The following BCL2 variants were observed in gnomAD, a reference collection of about 807,000 sequenced individuals.
BCL2 encodes apoptosis regulator Bcl-2.
In BCL2, 1 loss-of-function variant was observed where a neutral mutation model predicts 14.2. The observed-to-expected ratio is 0.07, with a 90% CI of 0.02 to 0.33. The LOEUF (loss-of-function observed/expected upper bound fraction) is 0.33. Among genes scored for constraint, BCL2 ranks in the 10% least tolerant of loss-of-function variants. The probability of loss-of-function intolerance (pLI) is 0.99; values close to 1 mark genes in which losing one functional copy is unlikely to be tolerated. For synonymous variants in BCL2, 151 were observed against 137.2 expected, an observed-to-expected ratio of 1.10 and a Z score of -0.70; for missense variants, 247 against 305.9, an observed-to-expected ratio of 0.81 and a Z score of 1.44.
At chr18:63,268,448 GC>G (rs1911902621) in intron 2 of BCL2, among the ~76,000 whole-genome samples, 1 of 152,312 alleles carries the variant, frequency 6.6e-6, no homozygotes, top group Admixed American at 6.5e-5. Context: ...ATTCAAGGAT[GC>G]CAGCTTTGTA....
chr18:63,199,707 CACAG>C (rs1157771058), intron 2 of BCL2, among the ~76,000 whole-genome samples: 1 of 152,030 alleles, frequency 6.6e-6, no homozygotes, highest in Non-Finnish European at 1.5e-5. Context: ...ACTACATATG[CACAG>C]ACACACAGAC....
intron 2 of BCL2, among the ~76,000 whole-genome samples, chr18:63,147,328 G>A (rs1222084622): frequency 6.6e-6 from 1 of 152,186 alleles, no homozygotes; most frequent in Admixed American, 6.5e-5. Flanking sequence ...TTTTATGTTT[G>A]TGCATCAAAA....
chr18:63,271,350 G>A (rs1228622544), intron 2 of BCL2, among the ~76,000 whole-genome samples: 1 of 152,138 alleles, frequency 6.6e-6, no homozygotes, highest in African/African-American at 2.4e-5. Context: ...ATGACAAAGA[G>A]ACACGTGTTC....
At chr18:63,205,597 T>C (rs1192531694) in intron 2 of BCL2, among the ~76,000 whole-genome samples, 5 of 151,506 alleles carry the variant, frequency 3.3e-5, no homozygotes, top group African/African-American at 7.3e-5. Context: ...CTGGGGAGAG[T>C]ATATACAAAA....
At chr18:63,211,733 C>G (rs1339575508) in intron 2 of BCL2, among the ~76,000 whole-genome samples, 1 of 152,214 alleles carries the variant, frequency 6.6e-6, no homozygotes, top group Non-Finnish European at 1.5e-5. Context: ...TACCATTGGA[C>G]TTGGCATTGT....
At chr18:63,256,686 T>C (rs1911486442) in intron 2 of BCL2, among the ~76,000 whole-genome samples, 1 of 152,012 alleles carries the variant, frequency 6.6e-6, no homozygotes, top group Admixed American at 6.6e-5. Context: ...TAGGGGCATG[T>C]GGCAAGGGGT....
chr18:63,252,058 C>T (rs1368165205), intron 2 of BCL2, among the ~76,000 whole-genome samples: 1 of 152,158 alleles, frequency 6.6e-6, no homozygotes, highest in East Asian at 1.9e-4. Flanking sequence ...AAGTACTGAA[C>T]TTTAGCATTA....
intron 2 of BCL2, among the ~76,000 whole-genome samples, chr18:63,191,554 C>CT (rs1759699610): frequency 6.6e-6 from 1 of 152,206 alleles, no homozygotes; most frequent in Non-Finnish European, 1.5e-5. Flanking sequence ...TGAAAAAACA[C>CT]TTTGTGTGTA....
intron 2 of BCL2, among the ~76,000 whole-genome samples, chr18:63,301,438 G>A (rs547583055): frequency 6.6e-6 from 1 of 152,304 alleles, no homozygotes; most frequent in African/African-American, 2.4e-5. Context: ...ACATACGTAT[G>A]CATATTTATA....
chr18:63,295,422 A>G (rs951221359), intron 2 of BCL2, among the ~76,000 whole-genome samples: 2 of 152,168 alleles, frequency 1.3e-5, no homozygotes, highest in Non-Finnish European at 1.5e-5. Flanking sequence ...AGACAGCAGA[A>G]AGAGCAGCAG....
Position 63,126,399 on chromosome 18 carries a change from T to A in BCL2, c.*2226A>T, listed in dbSNP as rs548212819. 8.9e-6 allele frequency: 2 copies of A among 223,786 alleles called. No homozygotes were observed. The highest frequency in any genetic ancestry group is 4.5e-5 in the African/African-American group (2 of 44,800). The allele number at this position is 223,786 out of a possible 1,614,324, so 13.9% of individuals were successfully genotyped here. A position where few individuals can be genotyped will look rare whatever the true frequency, so the allele number is the denominator to read the frequency against. ...CAACTCTCTAAAGGTCAAACCACCA[T>A]AGATTTGAATCTGCTGGTCATTTGC... On this transcript the variant is annotated 3_prime_UTR_variant, in exon 3 of 3. Transcript: ENST00000333681.
At chr18:63,257,544 T>C (rs1347625846) in intron 2 of BCL2, among the ~76,000 whole-genome samples, 2 of 152,214 alleles carry the variant, frequency 1.3e-5, no homozygotes, top group Non-Finnish European at 2.9e-5. Context: ...AACTTTCAGA[T>C]CCTATCAATA....
intron 2 of BCL2, among the ~76,000 whole-genome samples, chr18:63,166,866 C>T (rs1041169178): frequency 6.6e-6 from 1 of 152,226 alleles, no homozygotes; most frequent in African/African-American, 2.4e-5. Context: ...CTTCCCTCCC[C>T]TCCTTCTTTC....
chr18:63,172,840 G>GA (rs1915257553), intron 2 of BCL2, among the ~76,000 whole-genome samples: 1 of 152,128 alleles, frequency 6.6e-6, no homozygotes, highest in African/African-American at 2.4e-5. Context: ...AACTCTACCT[G>GA]AAAATGTAAA....
At chr18:63,158,120 G>C (rs1355203352) in intron 2 of BCL2, among the ~76,000 whole-genome samples, 1 of 152,234 alleles carries the variant, frequency 6.6e-6, no homozygotes, top group East Asian at 1.9e-4. Context: ...GTCACAAGCT[G>C]TACCCCAGAG....
intron 2 of BCL2, chr18:63,151,128 A>G (rs1363117960): frequency 6.6e-6 from 1 of 151,878 alleles, no homozygotes; most frequent in East Asian, 1.9e-4. Flanking sequence ...GTTTTTTTCT[A>G]TAATTAGCCT....
chr18:63,129,588 T>C (rs1198129430), intron 2 of BCL2, among the ~76,000 whole-genome samples: 1 of 152,222 alleles, frequency 6.6e-6, no homozygotes, highest in African/African-American at 2.4e-5. Context: ...TAATTCTTTG[T>C]ACCAATCTTA....
chr18:63,276,067 C>CATTAGAGGGAG (rs778852409), intron 2 of BCL2, among the ~76,000 whole-genome samples: 3 of 152,174 alleles, frequency 2.0e-5, no homozygotes, highest in Non-Finnish European at 2.9e-5. Flanking sequence ...CCCTACTCCT[C>CATTAGAGGGAG]ATTAGAGGGA....
chr18:63,248,306 A>G (rs1433074060), intron 2 of BCL2, among the ~76,000 whole-genome samples: 3 of 152,238 alleles, frequency 2.0e-5, no homozygotes, highest in African/African-American at 7.2e-5. Flanking sequence ...CTCATCTTTC[A>G]TCAATGAGAA....
Sources: gnomAD v4.1 joint callset for allele counts (sites outside exome capture counted in the v4.1 genomes callset) on GRCh38, gnomAD v4.1.1 for gene constraint, MANE v1.5 for transcripts, NCBI Gene and HGNC (gene_info 2026-07-23, HGNC 2026-07-21) for gene names.